KHDRBS2: variants seen among roughly 807,000 people sequenced by gnomAD.
KHDRBS2 encodes KH domain-containing, RNA-binding, signal transduction-associated protein 2.
In KHDRBS2, 26 loss-of-function variants were observed where a neutral mutation model predicts 44.3. The observed-to-expected ratio is 0.59, with a 90% CI of 0.43 to 0.81. KHDRBS2 has a LOEUF of 0.81. KHDRBS2 is among the 40% of genes least tolerant of loss of function. The pLI, the probability that KHDRBS2 is intolerant of heterozygous loss-of-function variation, is 0.00. For synonymous variants in KHDRBS2, 194 were observed against 151.1 expected, an observed-to-expected ratio of 1.28 and a Z score of -2.08; for missense variants, 476 against 433.1, an observed-to-expected ratio of 1.10 and a Z score of -0.88.
chr6:61,746,719 G>T (rs1490548978), intron 6 of KHDRBS2, among the ~76,000 whole-genome samples: 1 of 151,912 alleles, frequency 6.6e-6, no homozygotes, highest in Non-Finnish European at 1.5e-5. Context: ...TTTCTCAAAT[G>T]ATATTACTCA....
At chr6:62,051,513 C>T (rs1789038388) in intron 2 of KHDRBS2, among the ~76,000 whole-genome samples, 2 of 151,822 alleles carry the variant, frequency 1.3e-5, no homozygotes, top group South Asian at 4.1e-4. Flanking sequence ...AATCAGTTGG[C>T]TGTATATGTT....
In KHDRBS2 at chr6:61,934,883, C is replaced by A. The variant is rs571778522; in HGVS notation, c.484-33512G>T. 2.2e-4 allele frequency among the ~76,000 whole-genome samples: 33 copies of A among 152,204 alleles called. No homozygotes were observed. The South Asian group carries it at 6.8e-3, about 32-fold the overall frequency. On this transcript the variant is annotated intron_variant, in intron 4 of 8. Transcript: ENST00000281156. ...AAAAGCACAGAAGACTGAGTAAACC[C>A]ATGGGATTTCTTTAGGGAAACTGGA...
At chr6:62,212,348 A>G (rs1829202865) in intron 1 of KHDRBS2, among the ~76,000 whole-genome samples, 1 of 152,076 alleles carries the variant, frequency 6.6e-6, no homozygotes, top group Non-Finnish European at 1.5e-5. Context: ...AGAGAGAGAT[A>G]AATGAATAAT....
chr6:62,120,161 T>A (rs561610458), intron 2 of KHDRBS2, among the ~76,000 whole-genome samples: 2 of 152,324 alleles, frequency 1.3e-5, no homozygotes, highest in African/African-American at 4.8e-5. Context: ...ATAGTTTATT[T>A]GCTTGGTTAG....
At chr6:61,588,923 G>T in the KHDRBS2 span, among the ~76,000 whole-genome samples, 1 of 152,164 alleles carries the variant, frequency 6.6e-6, no homozygotes, top group African/African-American at 2.4e-5. Flanking sequence ...CAGGAACATG[G>T]ATGAAGCTGG....
intron 1 of KHDRBS2, among the ~76,000 whole-genome samples, chr6:62,203,514 C>G (rs1157050748): frequency 6.6e-6 from 1 of 152,044 alleles, no homozygotes; most frequent in Non-Finnish European, 1.5e-5. Flanking sequence ...TCACTCAGAA[C>G]AGGAGCACTG....
At position 61,796,595 on chromosome 6, in the gene KHDRBS2, T is replaced by C. The variant is rs374760741; in HGVS notation, c.811-63831A>G. On this transcript the variant is annotated intron_variant, in intron 6 of 8. Coordinates refer to ENST00000281156, the MANE Select transcript of KHDRBS2 (RefSeq NM_152688.4). ...TTTTATACAAATAAATAAAATATCA[T>C]GTAATTGGAAAAGTAATATAGTGCA... Among the ~76,000 whole-genome samples the C allele has an allele frequency of 2.6e-5, 4 of 152,166 alleles. No individual in the cohort carries two copies. In the East Asian group the frequency reaches 5.8e-4, roughly 22 times the overall value.
At chr6:62,188,727 C>T (rs1823969216) in intron 1 of KHDRBS2, among the ~76,000 whole-genome samples, 1 of 152,126 alleles carries the variant, frequency 6.6e-6, no homozygotes, top group Non-Finnish European at 1.5e-5. Flanking sequence ...TTTAGTGTGG[C>T]ATGAATGTGG....
At chr6:61,688,062 A>G (rs1561970881) in intron 8 of KHDRBS2, among the ~76,000 whole-genome samples, 1 of 151,980 alleles carries the variant, frequency 6.6e-6, no homozygotes, top group East Asian at 1.9e-4. Flanking sequence ...TCATCCATTA[A>G]TAATTGAAAA....
At chr6:61,885,866 A>G (rs1318123992) in intron 6 of KHDRBS2, among the ~76,000 whole-genome samples, 2 of 152,032 alleles carry the variant, frequency 1.3e-5, no homozygotes, top group Non-Finnish European at 2.9e-5. Context: ...CCTCCCCACT[A>G]TGGCCTTCCT....
intron 5 of KHDRBS2, among the ~76,000 whole-genome samples, chr6:61,899,665 T>A (rs1485648059): frequency 6.7e-6 from 1 of 149,992 alleles, no homozygotes; most frequent in Non-Finnish European, 1.5e-5. Flanking sequence ...CGGATATCCA[T>A]AACAAAGCAA....
intron 1 of KHDRBS2, among the ~76,000 whole-genome samples, chr6:62,211,551 C>G (rs1829045308): frequency 6.6e-6 from 1 of 152,058 alleles, no homozygotes; most frequent in Admixed American, 6.6e-5. Flanking sequence ...AGATACTAAA[C>G]TCTAGACTAA....
At chr6:61,783,646 A>T (rs1161802529) in intron 6 of KHDRBS2, among the ~76,000 whole-genome samples, 1 of 152,168 alleles carries the variant, frequency 6.6e-6, no homozygotes, top group Non-Finnish European at 1.5e-5. Context: ...TTGCTGAAAT[A>T]AACTTATATA....
intron 1 of KHDRBS2, among the ~76,000 whole-genome samples, chr6:62,273,553 T>G (rs1840426176): frequency 6.6e-6 from 1 of 152,156 alleles, no homozygotes; most frequent in Non-Finnish European, 1.5e-5. Context: ...TGAAGATGAG[T>G]TTTCTCCTGT....
intron 6 of KHDRBS2, among the ~76,000 whole-genome samples, chr6:61,820,985 G>A (rs191785847): frequency 8.5e-4 from 129 of 152,122 alleles, no homozygotes; most frequent in African/African-American, 2.9e-3. Context: ...TACTGACTGT[G>A]TGAGGAGAAT....
At chr6:61,599,645 A>G in the KHDRBS2 span, among the ~76,000 whole-genome samples, 14 of 152,298 alleles carry the variant, frequency 9.2e-5, no homozygotes, top group Middle Eastern at 3.4e-3. Context: ...CCCTCCTAGG[A>G]TTGAACTTTC....
the KHDRBS2 span, among the ~76,000 whole-genome samples, chr6:61,608,094 C>T: frequency 6.6e-6 from 1 of 152,124 alleles, no homozygotes; most frequent in South Asian, 2.1e-4. Flanking sequence ...ACTTGACAAA[C>T]TGATTTAAAG....
intron 2 of KHDRBS2, among the ~76,000 whole-genome samples, chr6:62,100,484 C>T (rs535530210): frequency 6.6e-6 from 1 of 152,112 alleles, no homozygotes; most frequent in Non-Finnish European, 1.5e-5. Flanking sequence ...GCATCACATG[C>T]TACAGAGAAA....
At chr6:61,939,153 A>G (rs1241963145) in intron 4 of KHDRBS2, among the ~76,000 whole-genome samples, 4 of 152,180 alleles carry the variant, frequency 2.6e-5, no homozygotes, top group African/African-American at 9.7e-5. Flanking sequence ...TGAAATGTTA[A>G]TTATGCTGAA....
Sources: allele counts gnomAD v4.1 joint callset (sites outside exome capture counted in the v4.1 genomes callset), GRCh38; gene constraint gnomAD v4.1.1; transcripts MANE v1.5; gene names NCBI Gene and HGNC (gene_info 2026-07-23, HGNC 2026-07-21).